MGST2: variants seen among roughly 807,000 people sequenced by gnomAD.
MGST2 encodes the protein glutathione peroxidase MGST2.
A neutral mutation model predicts 16.6 loss-of-function variants in MGST2; 9 were observed. The ratio of observed to expected loss-of-function variants is 0.54; its 90% CI spans 0.33 to 0.95. MGST2 has a LOEUF of 0.95. MGST2 is among the 40% of genes least tolerant of loss of function. The pLI, the probability that MGST2 is intolerant of heterozygous loss-of-function variation, is 0.03. For missense variants in MGST2, 159 were observed against 175.1 expected (o/e 0.91, Z 0.52); for synonymous variants, 79 against 68.0 (o/e 1.16, Z -0.79).
chr4:139,710,410 G>A (rs1727690833), intron 5 of MGST2, among the ~76,000 whole-genome samples: 1 of 152,222 alleles, frequency 6.6e-6, no homozygotes, highest in South Asian at 2.1e-4. Context: ...TTTGAAAAGA[G>A]AAAGGTATTC....
chr4:139,730,132 CAGAAGGAA>C, intron 5 of MGST2: 1 of 502,208 alleles, frequency 2.0e-6, no homozygotes, highest in South Asian at 2.3e-5. Flanking sequence ...TACCAGAAAT[CAGAAGGAA>C]AGGAGTCAGA....
intron 1 of MGST2, 21 bp downstream of exon 1, chr4:139,666,098 G>C (rs759709404): frequency 1.9e-6 from 3 of 1,538,992 alleles, no homozygotes; most frequent in Admixed American, 1.8e-5. Flanking sequence ...TGGGAAGTTC[G>C]TGTGTGTGCG....
intron 5 of MGST2, chr4:139,716,762 A>C (rs551116543): frequency 6.6e-6 from 1 of 152,604 alleles, no homozygotes; most frequent in South Asian, 2.1e-4. Context: ...ATTGATTCAG[A>C]TAATCTTTTA....
chr4:139,720,235 C>G (rs1473961199), intron 5 of MGST2: 3 of 1,610,454 alleles, frequency 1.9e-6, no homozygotes, highest in Non-Finnish European at 2.5e-6. Context: ...CTATTCCCAT[C>G]ATGCCTGCGT....
the MGST2 span, among the ~76,000 whole-genome samples, chr4:139,753,513 TAGG>T: frequency 4.6e-5 from 7 of 152,222 alleles, no homozygotes; most frequent in Non-Finnish European, 1.0e-4. Context: ...CAGAGGCTGG[TAGG>T]AGAACTATTA....
chr4:139,667,134 G>C (rs1041603840), intron 1 of MGST2, among the ~76,000 whole-genome samples: 1 of 151,970 alleles, frequency 6.6e-6, no homozygotes, highest in African/African-American at 2.4e-5. Flanking sequence ...ATGGGGAACC[G>C]GAATAGGTTC....
At chr4:139,730,359 G>T in intron 5 of MGST2, 1 of 1,461,944 alleles carries the variant, frequency 6.8e-7, no homozygotes, top group Non-Finnish European at 9.3e-7. Flanking sequence ...GCAGCAGGCA[G>T]GTGCTGAATA....
intron 5 of MGST2, among the ~76,000 whole-genome samples, chr4:139,736,109 C>A (rs1272050003): frequency 6.6e-6 from 1 of 152,118 alleles, no homozygotes; most frequent in African/African-American, 2.4e-5. Context: ...CAGACACACA[C>A]ACACATACAC....
intron 3 of MGST2, among the ~76,000 whole-genome samples, chr4:139,701,040 G>A (rs145195945): frequency 4.6e-5 from 7 of 152,222 alleles, no homozygotes; most frequent in South Asian, 2.1e-4. Flanking sequence ...TACTTGTGTC[G>A]CTTAAGGGCA....
the MGST2 span, among the ~76,000 whole-genome samples, chr4:139,753,942 A>G: frequency 0.023 from 3,522 of 152,298 alleles, 140 homozygotes; most frequent in African/African-American, 0.079. Flanking sequence ...CTCTGTCTGG[A>G]GACTGGGGTG....
intron 3 of MGST2, among the ~76,000 whole-genome samples, 164 bp downstream of exon 3, chr4:139,695,431 G>A (rs964446936): frequency 6.6e-6 from 1 of 152,186 alleles, no homozygotes; most frequent in Non-Finnish European, 1.5e-5. Flanking sequence ...AGACCAGCCT[G>A]GCCAAAATGG....
chr4:139,684,714 G>A (rs146813374), intron 2 of MGST2, among the ~76,000 whole-genome samples: 19 of 152,294 alleles, frequency 1.2e-4, no homozygotes, highest in African/African-American at 4.6e-4. Context: ...GGTGGAGATA[G>A]GATAATAGGC....
intron 2 of MGST2, among the ~76,000 whole-genome samples, chr4:139,680,479 C>T (rs770473528): frequency 2.6e-5 from 4 of 152,172 alleles, no homozygotes; most frequent in African/African-American, 7.2e-5. Flanking sequence ...CTCCACTTTT[C>T]GCTTCAAGTT....
intron 3 of MGST2, among the ~76,000 whole-genome samples, chr4:139,700,887 G>C (rs1727213790): frequency 1.3e-5 from 2 of 152,154 alleles, no homozygotes; most frequent in Non-Finnish European, 2.9e-5. Flanking sequence ...GTCTATACTT[G>C]ATTGCCAAGA....
intron 2 of MGST2, among the ~76,000 whole-genome samples, chr4:139,683,743 C>A (rs1344966001): frequency 6.6e-6 from 1 of 151,880 alleles, no homozygotes; most frequent in South Asian, 2.1e-4. Context: ...TAAAGACATA[C>A]CCGAGACTGA....
downstream of MGST2, among the ~76,000 whole-genome samples, chr4:139,742,681 C>T (rs1729206917): frequency 6.6e-6 from 1 of 152,126 alleles, no homozygotes; most frequent in South Asian, 2.1e-4. Context: ...TACAAATGAC[C>T]ACTTTTGCTT....
intron 5 of MGST2, among the ~76,000 whole-genome samples, chr4:139,724,731 C>A (rs2110969488): frequency 6.6e-6 from 1 of 151,388 alleles, no homozygotes; most frequent in Non-Finnish European, 1.5e-5. Flanking sequence ...ATTAGGAAGG[C>A]TCCTCAGGCT....
chr4:139,730,642 C>T (rs767115747), intron 5 of MGST2: 104 of 1,612,742 alleles, frequency 6.4e-5, no homozygotes, highest in East Asian at 2.2e-4. Context: ...GCCTGTGGTT[C>T]GGGGAAGTCC....
intron 2 of MGST2, chr4:139,685,027 C>A (rs8192081): frequency 0.056 from 8,552 of 152,358 alleles, 319 homozygotes; most frequent in African/African-American, 0.11. Context: ...GTGCCCAATT[C>A]CTGAGCTTCT....
Sources: allele counts gnomAD v4.1 joint callset (sites outside exome capture counted in the v4.1 genomes callset), GRCh38; gene constraint gnomAD v4.1.1; transcripts MANE v1.5; gene names NCBI Gene and HGNC (gene_info 2026-07-23, HGNC 2026-07-21).